The following WDPCP variants were observed in gnomAD, a reference collection of about 807,000 sequenced individuals.
WDPCP encodes WD repeat containing planar cell polarity effector.
A neutral mutation model predicts 93.1 loss-of-function variants in WDPCP; 71 were observed. That is an observed-to-expected ratio of 0.76 (90% CI 0.63 to 0.93). The LOEUF is 0.93. WDPCP is among the 40% of genes least tolerant of loss of function. The pLI, the probability that WDPCP is intolerant of heterozygous loss-of-function variation, is 0.00. For synonymous variants in WDPCP, 315 were observed against 315.0 expected (o/e 1.00, Z 0.00); for missense variants, 844 against 887.4 (o/e 0.95, Z 0.62).
At chr2:63,749,471 T>G (rs1669846312) in intron 2 of WDPCP, among the ~76,000 whole-genome samples, 1 of 152,078 alleles carries the variant, frequency 6.6e-6, no homozygotes, top group Non-Finnish European at 1.5e-5. Context: ...TAGAAACCAT[T>G]TGAGTACCCA....
chr2:63,464,308 A>C (rs1699205855), intron 6 of WDPCP, among the ~76,000 whole-genome samples: 1 of 152,168 alleles, frequency 6.6e-6, no homozygotes, highest in Non-Finnish European at 1.5e-5. Context: ...TCAAAATCAC[A>C]ATGAAATACT....
intron 2 of WDPCP, among the ~76,000 whole-genome samples, chr2:63,807,477 A>G (rs1670785668): frequency 6.6e-6 from 1 of 152,216 alleles, no homozygotes; most frequent in South Asian, 2.1e-4. Flanking sequence ...CCAGAAGCAG[A>G]TACTGGCACC....
intron 14 of WDPCP, among the ~76,000 whole-genome samples, chr2:63,240,306 T>C (rs1218801048): frequency 1.3e-5 from 2 of 152,096 alleles, no homozygotes; most frequent in Non-Finnish European, 2.9e-5. Flanking sequence ...GCCTCCCAAG[T>C]AGCTAGGGCT....
chr2:63,713,103 A>C (rs111933764), intron 2 of WDPCP, among the ~76,000 whole-genome samples: 2,558 of 152,332 alleles, frequency 0.017, 23 homozygotes, highest in African/African-American at 0.018. Flanking sequence ...GGATGAGCTC[A>C]TCTTCTGGGT....
chr2:63,387,451 GA>G (rs1001450885), intron 10 of WDPCP, among the ~76,000 whole-genome samples: 1 of 151,180 alleles, frequency 6.6e-6, no homozygotes, highest in African/African-American at 2.4e-5. Flanking sequence ...TTAAAAAAAA[GA>G]AAAAAAACCT....
intron 1 of WDPCP, among the ~76,000 whole-genome samples, chr2:63,546,328 A>G (rs2106331040): frequency 6.6e-6 from 1 of 152,342 alleles, no homozygotes; most frequent in East Asian, 1.9e-4. Flanking sequence ...TAGTTTTTAA[A>G]TTCAAGAGGA....
At chr2:63,317,196 C>A (rs922013806) in intron 12 of WDPCP, among the ~76,000 whole-genome samples, 2 of 151,826 alleles carry the variant, frequency 1.3e-5, no homozygotes, top group Non-Finnish European at 2.9e-5. Context: ...TATATGGAAC[C>A]AGGCCAGGCA....
intron 14 of WDPCP, among the ~76,000 whole-genome samples, chr2:63,183,152 TG>T (rs1416483729): frequency 6.6e-6 from 1 of 152,048 alleles, no homozygotes; most frequent in Non-Finnish European, 1.5e-5. Context: ...TTCCCTGATT[TG>T]TTATTTGTTT....
At chr2:63,558,971 T>C (rs535135337) in intron 1 of WDPCP, among the ~76,000 whole-genome samples, 63 of 152,120 alleles carry the variant, frequency 4.1e-4, no homozygotes, top group Non-Finnish European at 8.1e-4. Flanking sequence ...CTGGCAGAGA[T>C]ACAACAAAAA....
intron 1 of WDPCP, among the ~76,000 whole-genome samples, chr2:63,564,944 A>AT (rs1324575476): frequency 6.1e-4 from 93 of 152,058 alleles, no homozygotes; most frequent in African/African-American, 2.1e-3. Flanking sequence ...TACCTGGCTA[A>AT]TTTTTTGTAT....
chr2:63,823,069 A>G (rs796190906), intron 1 of WDPCP, among the ~76,000 whole-genome samples: 3 of 151,640 alleles, frequency 2.0e-5, no homozygotes, highest in African/African-American at 7.2e-5. Flanking sequence ...ACCAAATCCC[A>G]AATCTCACTT....
At chr2:63,455,928 CA>C (rs553185973) in intron 6 of WDPCP, among the ~76,000 whole-genome samples, 4 of 152,016 alleles carry the variant, frequency 2.6e-5, no homozygotes, top group East Asian at 3.9e-4. Flanking sequence ...TGTTAGGCCA[CA>C]AAAAAAGTCT....
chr2:63,445,671 A>C (rs548650591), intron 6 of WDPCP, among the ~76,000 whole-genome samples: 158 of 152,204 alleles, frequency 1.0e-3, no homozygotes, highest in Non-Finnish European at 1.9e-3. Flanking sequence ...AAAAAAGAGC[A>C]GGCAAGGTGG....
intron 2 of WDPCP, among the ~76,000 whole-genome samples, chr2:63,797,375 A>T (rs1670632030): frequency 6.6e-6 from 1 of 152,054 alleles, no homozygotes. Context: ...CAGAGCACCA[A>T]GTGGCTCTTG....
chr2:63,552,571 G>T (rs1330952089), intron 1 of WDPCP, among the ~76,000 whole-genome samples: 1 of 152,114 alleles, frequency 6.6e-6, no homozygotes, highest in Non-Finnish European at 1.5e-5. Flanking sequence ...GTGTGGGTTT[G>T]TTATATGGGT....
At chr2:63,204,296 T>C (rs1258850131) in intron 14 of WDPCP, among the ~76,000 whole-genome samples, 1 of 151,866 alleles carries the variant, frequency 6.6e-6, no homozygotes, top group Non-Finnish European at 1.5e-5. Context: ...ATTTCTCTGA[T>C]GATCAGTGAT....
chr2:63,153,645 T>C lies in WDPCP; in HGVS notation c.2079-71A>G, dbSNP rs572032892. The C allele has an allele frequency of 3.6e-5, 38 of 1,065,164 alleles. 1 individual carries two copies. The Admixed American group carries it at 8.1e-4, about 23-fold the overall frequency. The allele number at this position is 1,065,164 out of a possible 1,614,324, so 66.0% of individuals were successfully genotyped here. ...AAATTTTAAGGTTAGGTATAAGTTA[T>C]AGATTTTAAAGTATTAAAATATTTT... On this transcript the variant is annotated intron_variant, in intron 15 of 17. Coordinates refer to ENST00000272321, the MANE Select transcript of WDPCP (RefSeq NM_015910.7).
chr2:63,350,970 C>A (rs1383222483), intron 12 of WDPCP, among the ~76,000 whole-genome samples: 2 of 111,066 alleles, frequency 1.8e-5, no homozygotes, highest in Non-Finnish European at 3.5e-5. Context: ...TAAATATCAA[C>A]ATTTATTTAT....
chr2:63,594,116 T>C (rs1709256456), intron 3 of WDPCP, among the ~76,000 whole-genome samples: 1 of 152,200 alleles, frequency 6.6e-6, no homozygotes, highest in African/African-American at 2.4e-5. Context: ...GAAGATTCTA[T>C]TGAGCAGATG....
Sources: allele counts gnomAD v4.1 joint callset (sites outside exome capture counted in the v4.1 genomes callset), GRCh38; gene constraint gnomAD v4.1.1; transcripts MANE v1.5; gene names NCBI Gene and HGNC (gene_info 2026-07-23, HGNC 2026-07-21).